The following CACNB4 variants were observed in gnomAD, a reference collection of about 807,000 sequenced individuals.
CACNB4 encodes voltage-dependent L-type calcium channel subunit beta-4.
CACNB4 carries 32 observed loss-of-function variants against 71.2 expected under a neutral mutation model. That is an observed-to-expected ratio of 0.45 (90% CI 0.34 to 0.60). The LOEUF (loss-of-function observed/expected upper bound fraction) is 0.60. Among genes scored for constraint, CACNB4 ranks in the 20% least tolerant of loss-of-function variants. The probability of loss-of-function intolerance (pLI) is 0.01; values close to 1 mark genes in which losing one functional copy is unlikely to be tolerated. For synonymous variants in CACNB4, 231 were observed against 236.9 expected (o/e 0.97, Z 0.23); for missense variants, 464 against 647.9 (o/e 0.72, Z 3.08).
At chr2:151,963,921 T>C (rs190374907) in intron 2 of CACNB4, among the ~76,000 whole-genome samples, 7 of 151,990 alleles carry the variant, frequency 4.6e-5, no homozygotes, top group Admixed American at 4.6e-4. Flanking sequence ...ATACAAAAAT[T>C]AGCTGGGCAT....
At chr2:151,944,769 G>T (rs1044864594) in intron 2 of CACNB4, among the ~76,000 whole-genome samples, 2 of 152,204 alleles carry the variant, frequency 1.3e-5, no homozygotes, top group Non-Finnish European at 2.9e-5. Flanking sequence ...TCCAGGCTGG[G>T]TGACAGAGCA....
At chr2:151,950,116 G>A (rs2099866564) in intron 2 of CACNB4, among the ~76,000 whole-genome samples, 1 of 151,994 alleles carries the variant, frequency 6.6e-6, no homozygotes, top group South Asian at 2.1e-4. Context: ...GAGAAGGACT[G>A]GAAAGAAAGG....
intron 9 of CACNB4, among the ~76,000 whole-genome samples, chr2:151,864,576 A>C (rs2099842601): frequency 6.6e-6 from 1 of 152,222 alleles, no homozygotes; most frequent in Non-Finnish European, 1.5e-5. Context: ...AGTAGGGAAG[A>C]GTGTTCCGAA....
Position 151,855,276 on chromosome 2 carries a change from A to T in CACNB4, c.968T>A (p.Ile323Lys). Residue 323 changes from isoleucine (I) to lysine (K), a missense_variant, in exon 11 of 14, where the codon ATA (isoleucine) becomes AAA (lysine). Around this residue, in one of 3 missense-constraint regions of CACNB4, gnomAD observed 299 missense variants for 471.7 expected, o/e 0.63. Coordinates refer to ENST00000539935, the MANE Select transcript of CACNB4 (RefSeq NM_000726.5). ...ADTINHPAQL[I>K]KTSLAPIIVH... The stretch of plus-strand genomic sequence containing the variant: ...AATAATTGGTGCTAAGGAAGTCTTT[A>T]TAAGTTGTGCTGGGTGATTGATGGT... The T allele has an allele frequency of 6.3e-7, 1 of 1,587,776 alleles. No homozygotes were observed. The highest frequency in any genetic ancestry group is 1.1e-5 in the South Asian group (1 of 88,826).
intron 8 of CACNB4, 124 bp from the exon 9 acceptor site, chr2:151,869,359 C>T (rs2099844016): frequency 1.7e-6 from 1 of 604,942 alleles, no homozygotes; most frequent in Admixed American, 2.9e-5. Flanking sequence ...CCATTCGTCT[C>T]CTAGGGGGAG....
intron 2 of CACNB4, among the ~76,000 whole-genome samples, chr2:152,049,496 A>G (rs868715830): frequency 3.9e-5 from 6 of 151,984 alleles, no homozygotes; most frequent in African/African-American, 1.4e-4. Context: ...TCTCCTTCTC[A>G]TTCTTTTTTC....
intron 2 of CACNB4, among the ~76,000 whole-genome samples, chr2:151,935,359 C>G (rs918514545): frequency 1.3e-5 from 2 of 152,212 alleles, no homozygotes; most frequent in Non-Finnish European, 2.9e-5. Flanking sequence ...ACTCCTATTA[C>G]ACTTATATAC....
chr2:152,023,478 C>T (rs867957498), intron 2 of CACNB4, among the ~76,000 whole-genome samples: 1 of 152,022 alleles, frequency 6.6e-6, no homozygotes, highest in Non-Finnish European at 1.5e-5. Flanking sequence ...CTTGTCCCCC[C>T]GGCTGGAATG....
Position 152,000,551 on chromosome 2 carries a change from C to T in CACNB4, c.147+97779G>A, listed in dbSNP as rs556579335. ...TGGATGGCTCCATCTAGATGCATCC[C>T]GGATCCTGCAAACCCAAGACGTCTG... On this transcript the variant is annotated intron_variant, in intron 2 of 13. Transcript: ENST00000539935. 4.6e-5 allele frequency among the ~76,000 whole-genome samples: 7 copies of T among 152,260 alleles called. No homozygotes were observed. In the East Asian group the frequency reaches 5.8e-4, roughly 13 times the overall value.
At chr2:152,014,334 G>A (rs758457324) in intron 2 of CACNB4, among the ~76,000 whole-genome samples, 10 of 152,000 alleles carry the variant, frequency 6.6e-5, no homozygotes, top group Non-Finnish European at 1.3e-4. Context: ...GTGACAAAGT[G>A]AGACTCCATC....
intron 12 of CACNB4, chr2:151,852,322 T>C (rs1024465868): frequency 3.3e-5 from 5 of 152,216 alleles, no homozygotes; most frequent in Non-Finnish European, 7.3e-5. Context: ...ATTACTCTTA[T>C]CGTCTGAACA....
intron 2 of CACNB4, among the ~76,000 whole-genome samples, chr2:151,915,119 T>TC (rs1253602967): frequency 2.6e-5 from 4 of 151,978 alleles, no homozygotes; most frequent in South Asian, 2.1e-4. Context: ...CGGCCACACC[T>TC]CCCCCTAGAG....
chr2:151,962,554 T>C (rs1477544556), intron 2 of CACNB4, among the ~76,000 whole-genome samples: 1 of 152,212 alleles, frequency 6.6e-6, no homozygotes, highest in Non-Finnish European at 1.5e-5. Context: ...AGGCAGAGAA[T>C]AAAAATGAAA....
chr2:151,851,590 A>G (rs896557996), intron 12 of CACNB4: 13 of 152,236 alleles, frequency 8.5e-5, no homozygotes, highest in African/African-American at 2.4e-4. Context: ...GTAACAAACC[A>G]TATTATATGT....
intron 2 of CACNB4, among the ~76,000 whole-genome samples, chr2:151,999,931 TAATC>T (rs1682304918): frequency 6.6e-6 from 1 of 152,364 alleles, no homozygotes; most frequent in East Asian, 1.9e-4. Context: ...ACAAGAGTGT[TAATC>T]AAAGGAATTT....
chr2:151,875,862 C>A (rs1374325707), intron 5 of CACNB4, among the ~76,000 whole-genome samples: 1 of 145,398 alleles, frequency 6.9e-6, no homozygotes, highest in Non-Finnish European at 1.5e-5. Flanking sequence ...CCCCCATCTC[C>A]CTCCCGGACG....
chr2:152,092,014 A>T (rs1687999745), intron 2 of CACNB4, among the ~76,000 whole-genome samples: 2 of 152,144 alleles, frequency 1.3e-5, no homozygotes, highest in Non-Finnish European at 2.9e-5. Flanking sequence ...ATGTATCCAC[A>T]CCTGTGTGAG....
chr2:152,018,891 A>G (rs1465574119), intron 2 of CACNB4, among the ~76,000 whole-genome samples: 1 of 152,094 alleles, frequency 6.6e-6, no homozygotes, highest in Non-Finnish European at 1.5e-5. Flanking sequence ...AATTGATACT[A>G]CAAAAACTGG....
intron 2 of CACNB4, among the ~76,000 whole-genome samples, chr2:151,998,568 G>A (rs1381648356): frequency 1.3e-5 from 2 of 152,150 alleles, no homozygotes; most frequent in East Asian, 1.9e-4. Flanking sequence ...ATGAGGCTCA[G>A]ATGAAAGATG....
Sources: allele counts gnomAD v4.1 joint callset (sites outside exome capture counted in the v4.1 genomes callset), GRCh38; gene constraint gnomAD v4.1.1; regional missense constraint gnomAD v4.1.1; transcripts MANE v1.5; gene names NCBI Gene and HGNC (gene_info 2026-07-23, HGNC 2026-07-21).